DPP6: variants seen among roughly 807,000 people sequenced by gnomAD.
The protein encoded by DPP6 is dipeptidyl peptidase like 6.
DPP6 carries 69 observed loss-of-function variants against 122.6 expected under a neutral mutation model. That is an observed-to-expected ratio of 0.56 (90% confidence interval 0.46 to 0.69). DPP6 has a LOEUF of 0.69. DPP6 is among the 30% of genes least tolerant of loss of function. The pLI is 0.00. For missense variants in DPP6, 928 were observed against 1,116.9 expected, an observed-to-expected ratio of 0.83 and a Z score of 2.41; for synonymous variants, 418 against 433.1, an observed-to-expected ratio of 0.97 and a Z score of 0.43.
chr7:154,221,187 C>A (rs1408645081), intron 1 of DPP6, among the ~76,000 whole-genome samples: 1 of 152,150 alleles, frequency 6.6e-6, no homozygotes, highest in Non-Finnish European at 1.5e-5. Context: ...ATCACCCAGG[C>A]TGGAGTGCAG....
chr7:154,879,855 C>T (rs920057888), intron 20 of DPP6, among the ~76,000 whole-genome samples: 8 of 152,102 alleles, frequency 5.3e-5, no homozygotes, highest in African/African-American at 1.7e-4. Flanking sequence ...GTAAACAGGG[C>T]CCCTACACCA....
At chr7:154,494,401 A>C (rs1442372913) in intron 3 of DPP6, among the ~76,000 whole-genome samples, 1 of 148,362 alleles carries the variant, frequency 6.7e-6, no homozygotes, top group Non-Finnish European at 1.5e-5. Flanking sequence ...ATAAATATAT[A>C]ATATATGATA....
chr7:153,930,738 G>C (rs1281279883), intron 1 of DPP6, among the ~76,000 whole-genome samples: 2 of 152,294 alleles, frequency 1.3e-5, no homozygotes, highest in East Asian at 3.9e-4. Context: ...TCATGGAATA[G>C]ACAGTTCAGG....
intron 1 of DPP6, among the ~76,000 whole-genome samples, chr7:154,101,935 CAAAAAAAAAAAAAA>C (rs915468915): frequency 9.8e-5 from 4 of 40,830 alleles, no homozygotes; most frequent in Non-Finnish European, 1.5e-4. Context: ...TACTCCATCT[CAAAAAAAAAAAAAA>C]AAAAAAAAAA....
intron 16 of DPP6, among the ~76,000 whole-genome samples, chr7:154,831,720 G>A (rs1214586542): frequency 6.6e-6 from 1 of 152,190 alleles, no homozygotes; most frequent in Non-Finnish European, 1.5e-5. Context: ...TGACAAGAAA[G>A]CTTACAGAGA....
chr7:154,803,778 G>C, intron 13 of DPP6, 86 bp from the exon 14 acceptor site: 1 of 1,510,716 alleles, frequency 6.6e-7, no homozygotes, highest in Non-Finnish European at 8.9e-7. Flanking sequence ...CCTGTCACCT[G>C]GTGTCCAAAA....
At chr7:154,268,203 C>T (rs763900075) in intron 1 of DPP6, among the ~76,000 whole-genome samples, 4 of 152,188 alleles carry the variant, frequency 2.6e-5, no homozygotes, top group Non-Finnish European at 5.9e-5. Flanking sequence ...TCAACACTGT[C>T]TACAACACTG....
intron 3 of DPP6, among the ~76,000 whole-genome samples, chr7:154,509,624 G>C (rs1354403153): frequency 6.6e-6 from 1 of 152,108 alleles, no homozygotes; most frequent in African/African-American, 2.4e-5. Flanking sequence ...TTCATTCCCA[G>C]CTATATACCC....
At chr7:154,340,419 T>C (rs1244732371) in intron 1 of DPP6, among the ~76,000 whole-genome samples, 2 of 152,220 alleles carry the variant, frequency 1.3e-5, no homozygotes, top group Non-Finnish European at 2.9e-5. Flanking sequence ...TTCCTCTCCA[T>C]CCCCAGCTTT....
chr7:153,913,049 C>T (rs1262205151), intron 1 of DPP6, among the ~76,000 whole-genome samples: 1 of 151,970 alleles, frequency 6.6e-6, no homozygotes, highest in Non-Finnish European at 1.5e-5. Flanking sequence ...GGTTTTTATG[C>T]TTAGGACTGT....
At chr7:154,366,103 C>A (rs1416759140) in intron 1 of DPP6, among the ~76,000 whole-genome samples, 2 of 152,110 alleles carry the variant, frequency 1.3e-5, no homozygotes, top group Non-Finnish European at 2.9e-5. Context: ...CAGCTTATAA[C>A]CTGCTCCAGA....
chr7:153,920,786 C>T (rs1319784035), intron 1 of DPP6, among the ~76,000 whole-genome samples: 2 of 151,940 alleles, frequency 1.3e-5, no homozygotes, highest in Admixed American at 6.6e-5. Context: ...GTCTCGAACT[C>T]CTGACCTCAT....
intron 4 of DPP6, among the ~76,000 whole-genome samples, chr7:154,555,523 G>A (rs1489537630): frequency 5.9e-5 from 9 of 151,956 alleles, no homozygotes; most frequent in African/African-American, 9.7e-5. Context: ...GCTAAATGAC[G>A]AGTTAATGGG....
the DPP6 span, among the ~76,000 whole-genome samples, chr7:153,782,175 A>T: frequency 3.3e-5 from 5 of 151,950 alleles, no homozygotes; most frequent in Non-Finnish European, 7.4e-5. Context: ...GATTCCTCTC[A>T]GTCGATAATA....
rs143169236 is a variant in DPP6, at chr7:154,504,387, T to C, written c.457+29350T>C. Among the ~76,000 whole-genome samples the C allele has an allele frequency of 3.3e-4, 51 of 152,302 alleles. No individual in the cohort carries two copies. The East Asian group carries it at 9.4e-3, about 28-fold the overall frequency. On this transcript the variant is annotated intron_variant, in intron 3 of 25. Transcript: ENST00000377770. ...AATCACTTATTAATATATAATCTTA[T>C]CGTGAGTGTAAATTTAGCTGCCTGT...
intron 6 of DPP6, among the ~76,000 whole-genome samples, chr7:154,661,844 G>A (rs1326177039): frequency 6.8e-6 from 1 of 147,918 alleles, no homozygotes; most frequent in Non-Finnish European, 1.5e-5. Context: ...AATCACCATG[G>A]CATATTGGCC....
the DPP6 span, among the ~76,000 whole-genome samples, chr7:153,795,303 T>C: frequency 6.6e-6 from 1 of 152,180 alleles, no homozygotes; most frequent in African/African-American, 2.4e-5. Context: ...TAGTCCCATC[T>C]ACTCAGGAGG....
intron 1 of DPP6, among the ~76,000 whole-genome samples, chr7:154,443,501 CA>C (rs1819562754): frequency 9.8e-6 from 1 of 102,234 alleles, no homozygotes; most frequent in African/African-American, 5.1e-5. Context: ...TGTGGATTGA[CA>C]GATACATGGA....
chr7:154,492,360 G>T (rs756168813), intron 3 of DPP6, among the ~76,000 whole-genome samples: 1 of 152,104 alleles, frequency 6.6e-6, no homozygotes, highest in Non-Finnish European at 1.5e-5. Flanking sequence ...CCCAACAACT[G>T]CAACAGAAAG....
Sources: gnomAD v4.1 joint callset for allele counts (sites outside exome capture counted in the v4.1 genomes callset) on GRCh38, gnomAD v4.1.1 for gene constraint, MANE v1.5 for transcripts, NCBI Gene and HGNC (gene_info 2026-07-23, HGNC 2026-07-21) for gene names.